Variants in GRIA2 observed in about 807,000 individuals in gnomAD.
GRIA2 encodes glutamate receptor 2.
Under a neutral mutation model 97.3 loss-of-function variants are expected in GRIA2, and 14 were observed. The observed-to-expected ratio is 0.14, with a 90% CI of 0.10 to 0.23. The LOEUF (loss-of-function observed/expected upper bound fraction) is 0.23. Among genes scored for constraint, GRIA2 ranks in the 10% least tolerant of loss-of-function variants. The probability of loss-of-function intolerance (pLI) is 1.00; values close to 1 mark genes in which losing one functional copy is unlikely to be tolerated. For missense variants in GRIA2, 558 were observed against 1,069.8 expected (o/e 0.52, Z 6.67); for synonymous variants, 412 against 387.8 (o/e 1.06, Z -0.73).
chr4:157,240,875 A>G (rs1344423920), intron 2 of GRIA2, among the ~76,000 whole-genome samples: 1 of 150,374 alleles, frequency 6.7e-6, no homozygotes, highest in Non-Finnish European at 1.5e-5. Context: ...CCACCCCACA[A>G]CAGTCCCCAG....
At chr4:157,360,290 T>G (rs1736577500) in intron 13 of GRIA2, 147 bp downstream of exon 13, 2 of 735,558 alleles carry the variant, frequency 2.7e-6, no homozygotes, top group Middle Eastern at 4.0e-4. Flanking sequence ...CTGAATGTTT[T>G]TAAACATTTA....
chr4:157,260,781 TCTC>T (rs1370035627), intron 2 of GRIA2, among the ~76,000 whole-genome samples: 7 of 151,940 alleles, frequency 4.6e-5, no homozygotes, highest in Non-Finnish European at 1.0e-4. Flanking sequence ...TTGTTGGTGG[TCTC>T]CTCCTCTTTT....
chr4:157,325,318 A>G (rs1734755603), intron 6 of GRIA2, among the ~76,000 whole-genome samples: 1 of 152,342 alleles, frequency 6.6e-6, no homozygotes, highest in African/African-American at 2.4e-5. Flanking sequence ...TACAAACTAT[A>G]CAAAAAATAA....
At chr4:157,326,806 T>C (rs1734822587) in intron 6 of GRIA2, among the ~76,000 whole-genome samples, 1 of 152,194 alleles carries the variant, frequency 6.6e-6, no homozygotes, top group South Asian at 2.1e-4. Context: ...CTTGTTGACA[T>C]ATTAAGGATT....
At chr4:157,330,464 C>T (rs1257074356) in intron 6 of GRIA2, among the ~76,000 whole-genome samples, 1 of 151,708 alleles carries the variant, frequency 6.6e-6, no homozygotes, top group Non-Finnish European at 1.5e-5. Context: ...TTGTGATAAC[C>T]CATGAAAATT....
At position 157,363,419 on chromosome 4, in the gene GRIA2, T is replaced by A; in HGVS notation, c.*4-16T>A. On this transcript the variant is annotated splice_polypyrimidine_tract_variant and intron_variant, in intron 15 of 15. Coordinates refer to ENST00000264426, the MANE Select transcript of GRIA2 (RefSeq NM_001083619.3). ...TATGATTTCTTTTTCTTTCTTTCCCTCCTCTCTCATTTAAGATGACCTTGA... is the reference window on the plus strand; with the variant it reads ...TATGATTTCTTTTTCTTTCTTTCCCACCTCTCTCATTTAAGATGACCTTGA... 1 of 1,240,676 alleles carries A rather than the reference T, an allele frequency of 8.1e-7. No homozygotes were observed. Among genetic ancestry groups the A allele is most frequent in the Non-Finnish European group, 1.0e-6 (1 of 989,236 alleles). 76.9% of individuals were successfully genotyped at this position (1,240,676 alleles called of 1,614,324 possible).
chr4:157,254,004 A>T (rs1298258208), intron 2 of GRIA2, among the ~76,000 whole-genome samples: 1 of 152,008 alleles, frequency 6.6e-6, no homozygotes, highest in Non-Finnish European at 1.5e-5. Flanking sequence ...GTAAAAGTAC[A>T]CGCACACACA....
chr4:157,340,995 A>T (rs978884802), intron 11 of GRIA2, among the ~76,000 whole-genome samples: 4 of 151,886 alleles, frequency 2.6e-5, no homozygotes, highest in Non-Finnish European at 5.9e-5. Context: ...TTCTTATGGG[A>T]TTCATGTCAT....
chr4:157,228,683 C>T (rs1386029597), intron 2 of GRIA2, among the ~76,000 whole-genome samples: 1 of 149,294 alleles, frequency 6.7e-6, no homozygotes, highest in East Asian at 2.0e-4. Flanking sequence ...GTCCCAGCTA[C>T]TCAGGAGGCT....
chr4:157,247,942 T>A (rs1378319578), intron 2 of GRIA2, among the ~76,000 whole-genome samples: 1 of 152,108 alleles, frequency 6.6e-6, no homozygotes, highest in African/African-American at 2.4e-5. Flanking sequence ...TTTGCTCTTA[T>A]TATCCTCACT....
chr4:157,346,269 G>T (rs867353598), intron 12 of GRIA2, among the ~76,000 whole-genome samples: 10 of 152,158 alleles, frequency 6.6e-5, no homozygotes, highest in Middle Eastern at 3.4e-3. Context: ...TGTATTAATT[G>T]CTATTTCATT....
chr4:157,241,840 G>T (rs887153371), intron 2 of GRIA2, among the ~76,000 whole-genome samples: 4 of 152,022 alleles, frequency 2.6e-5, no homozygotes, highest in African/African-American at 9.7e-5. Context: ...ATGTTTCTAA[G>T]TGTTGATGAA....
chr4:157,245,740 TC>T (rs1730704048), intron 2 of GRIA2, among the ~76,000 whole-genome samples: 1 of 152,112 alleles, frequency 6.6e-6, no homozygotes, highest in Admixed American at 6.5e-5. Flanking sequence ...ACAAAATAAC[TC>T]TTCTTGTCAA....
rs1273592798 is a variant in GRIA2 at position 157,355,646 on chromosome 4, T to TTA, written c.2044-4244_2044-4243dup. Among the ~76,000 whole-genome samples, 49 of 65,636 alleles carry TTA rather than the reference T, an allele frequency of 7.5e-4. 1 individual carries two copies. The highest frequency in any genetic ancestry group is 2.5e-3 in the African/African-American group (23 of 9,226). The allele number at this position is 65,636 out of a possible 152,430, so 43.1% of individuals were successfully genotyped here. ...TATATATTTATTTATATATATTTAT[T>TTA]TATATATTTATTTATATTTATTTTT... On this transcript the variant is annotated intron_variant, in intron 12 of 15. Coordinates refer to ENST00000264426, the MANE Select transcript of GRIA2 (RefSeq NM_001083619.3).
chr4:157,258,495 C>T (rs556529799), intron 2 of GRIA2, among the ~76,000 whole-genome samples: 1 of 152,198 alleles, frequency 6.6e-6, no homozygotes, highest in South Asian at 2.1e-4. Flanking sequence ...GCTCTCAAAT[C>T]CTGTCTCCTG....
chr4:157,306,357 A>G (rs1320961905), intron 3 of GRIA2, among the ~76,000 whole-genome samples: 1 of 152,228 alleles, frequency 6.6e-6, no homozygotes, highest in Non-Finnish European at 1.5e-5. Flanking sequence ...TACTTGTGAA[A>G]AAAATCTGGA....
At chr4:157,241,631 T>C (rs1261429887) in intron 2 of GRIA2, among the ~76,000 whole-genome samples, 1 of 152,098 alleles carries the variant, frequency 6.6e-6, no homozygotes, top group Non-Finnish European at 1.5e-5. Context: ...TATAATGCAG[T>C]TAAAATAGAT....
chr4:157,309,531 T>A (rs926593932), intron 3 of GRIA2, among the ~76,000 whole-genome samples: 2 of 152,096 alleles, frequency 1.3e-5, no homozygotes, highest in Non-Finnish European at 2.9e-5. Flanking sequence ...TTTATATTTT[T>A]AGTAGAGATG....
chr4:157,271,958 G>GA (rs1019858164), intron 2 of GRIA2, among the ~76,000 whole-genome samples: 45 of 152,070 alleles, frequency 3.0e-4, no homozygotes, highest in African/African-American at 1.0e-3. Context: ...TTTAGAACTG[G>GA]AAAAAAGGAC....
Sources: gnomAD v4.1 joint callset for allele counts (sites outside exome capture counted in the v4.1 genomes callset) on GRCh38, gnomAD v4.1.1 for gene constraint, MANE v1.5 for transcripts, NCBI Gene and HGNC (gene_info 2026-07-23, HGNC 2026-07-21) for gene names.